TRPV1: variants seen among roughly 807,000 people sequenced by gnomAD.
The protein encoded by TRPV1 is transient receptor potential cation channel subfamily V member 1.
TRPV1 carries 82 observed loss-of-function variants against 82.3 expected under a neutral mutation model. The ratio of observed to expected loss-of-function variants is 1.00; its 90% CI spans 0.83 to 1.20. The LOEUF (loss-of-function observed/expected upper bound fraction) is 1.20. Ranked by LOEUF, TRPV1 falls within the 50% of genes most tolerant of loss-of-function variation. TRPV1 has a pLI of 0.00. For missense variants in TRPV1, 1,067 were observed against 1,096.8 expected (o/e 0.97, Z 0.38); for synonymous variants, 515 against 467.7 (o/e 1.10, Z -1.30).
At position 3,577,735 on chromosome 17, in the gene TRPV1, T is replaced by C; in HGVS notation, c.1576A>G (p.Thr526Ala). 1.3e-6 allele frequency: 2 copies of C among 1,593,380 alleles called. No individual in the cohort carries two copies. Among genetic ancestry groups the C allele is most frequent in the Non-Finnish European group, 1.7e-6 (2 of 1,170,548 alleles). ...AGGTGGCTGAAGTACAGCACCACGGTGGCCAGCATGAACAGTGACTGCAGA... is the reference window on the plus strand; with the variant it reads ...AGGTGGCTGAAGTACAGCACCACGGCGGCCAGCATGAACAGTGACTGCAGA... ...FFLQSLFMLATVVLYFSHLKE... is the reference protein window; with the variant it reads ...FFLQSLFMLAAVVLYFSHLKE... The change falls in exon 12 of 17, where the codon ACC becomes GCC. Residue 526 changes from threonine (T) to alanine (A), a missense_variant. Physicochemically the swap from Thr to Ala is moderately conservative, Grantham distance 58. Transcript: ENST00000572705.
chr17:3,567,594 C>T (rs925392565), intron 16 of TRPV1, among the ~76,000 whole-genome samples: 1 of 151,866 alleles, frequency 6.6e-6, no homozygotes, highest in Non-Finnish European at 1.5e-5. Flanking sequence ...CCCTCTCGGC[C>T]TCCATCTCCT....
intron 8 of TRPV1, among the ~76,000 whole-genome samples, chr17:3,587,964 C>T (rs161391): frequency 0.87 from 133,012 of 152,250 alleles, 60,845 homozygotes; most frequent in East Asian, 1. Flanking sequence ...TTGTCCATGT[C>T]CCTCTGAAAC....
At chr17:3,594,393 A>C (rs2075199793) in intron 2 of TRPV1, among the ~76,000 whole-genome samples, 1 of 151,924 alleles carries the variant, frequency 6.6e-6, no homozygotes, top group African/African-American at 2.4e-5. Context: ...GAGACTCCCA[A>C]GTCCTACATT....
Position 3,573,838 on chromosome 17 carries a change from G to A in TRPV1, c.1898C>T (p.Ser633Phe), listed in dbSNP as rs1358783502. The change falls in exon 14 of 17, where the codon TCC becomes TTC. Residue 633 changes from serine (S) to phenylalanine (F), a missense_variant. Physicochemically the swap from Ser to Phe is radical, Grantham distance 155. Transcript: ENST00000572705. ...PPDSSYNSLY[S>F]TCLELFKFTI... ...GAACTTGAACAGCTCCAGGCAGGTG[G>A]AGTACAGGCTGTTGTAGGAGCTATC... is the stretch of plus-strand genomic sequence containing the variant. The A allele has an allele frequency of 6.2e-7, 1 of 1,613,582 alleles. No individual in the cohort carries two copies. The highest frequency in any genetic ancestry group is 1.7e-5 in the Admixed American group (1 of 59,986).
chr17:3,600,951 A>G (rs888721012), intron 2 of TRPV1, among the ~76,000 whole-genome samples: 1 of 152,024 alleles, frequency 6.6e-6, no homozygotes. Flanking sequence ...TGCTTCATCC[A>G]GAGTCCACCC....
At chr17:3,607,517 C>T (rs1427944835) in intron 2 of TRPV1, among the ~76,000 whole-genome samples, 1 of 146,882 alleles carries the variant, frequency 6.8e-6, no homozygotes, top group Non-Finnish European at 1.5e-5. Flanking sequence ...AAGAGATTAA[C>T]AACAACAATA....
At chr17:3,577,070 G>A (rs9912962) in intron 13 of TRPV1, 56 bp downstream of exon 13, 1 of 1,539,716 alleles carries the variant, frequency 6.5e-7, no homozygotes, top group Non-Finnish European at 8.8e-7. Context: ...AGAGTCTTCA[G>A]AAGGCTCAGC....
intron 10 of TRPV1, among the ~76,000 whole-genome samples, chr17:3,582,056 G>T (rs1181930698): frequency 1.3e-5 from 2 of 149,128 alleles, no homozygotes; most frequent in Non-Finnish European, 3.0e-5. Context: ...CGGGCGTGGT[G>T]GCGGGTGCCT....
intron 13 of TRPV1, among the ~76,000 whole-genome samples, chr17:3,576,653 G>GACAAAAA (rs2036691915): frequency 2.4e-5 from 1 of 41,490 alleles, no homozygotes; most frequent in Non-Finnish European, 4.6e-5. Flanking sequence ...CTCTGTATGA[G>GACAAAAA]AAAAAAAAAA....
At position 3,592,091 on chromosome 17, in the gene TRPV1, G is replaced by A; in HGVS notation, c.260C>T (p.Pro87Leu). 1 of 1,613,408 alleles carries A rather than the reference G, an allele frequency of 6.2e-7. No homozygotes were observed. The highest frequency in any genetic ancestry group is 2.2e-5 in the East Asian group (1 of 44,862). Residue 87 changes from proline to leucine, a missense_variant, in exon 3 of 17, where the codon CCA becomes CTA. Coordinates refer to ENST00000572705, the MANE Select transcript of TRPV1 (RefSeq NM_080704.4). ...CCTGGCACCGGTGGGGCCGTCTCCT[G>A]GCCTCTGGATGGTGATAACAGGGCT... ...TVSPVITIQRPGDGPTGARLL... is the reference protein window; with the variant it reads ...TVSPVITIQRLGDGPTGARLL...
chr17:3,600,765 C>T (rs1018838118), intron 2 of TRPV1, among the ~76,000 whole-genome samples: 1 of 152,164 alleles, frequency 6.6e-6, no homozygotes, highest in African/African-American at 2.4e-5. Flanking sequence ...GGCCCTCCTC[C>T]TGCCCTGGCC....
At position 3,577,839 on chromosome 17, in the gene TRPV1, G is replaced by T; in HGVS notation, c.1548-76C>A. ...GCACCCCCAGAACAAAAGGTCACAG[G>T]CCGCTCAGAGGTCCAGACTGCAGGC... On this transcript the variant is annotated intron_variant, in intron 11 of 16. Transcript: ENST00000572705. 2.8e-6 allele frequency: 4 copies of T among 1,434,966 alleles called. No homozygotes were observed. In the South Asian group the frequency reaches 5.1e-5, roughly 18 times the overall value. The allele number at this position is 1,434,966 out of a possible 1,614,324, so 88.9% of individuals were successfully genotyped here.
At position 3,583,332 on chromosome 17, in the gene TRPV1, G is replaced by T. The variant is rs201938084; in HGVS notation, c.1476+6C>A. ...GGAAACTCACAATGTGGGAAGGAAC[G>T]CTTACCCCTCGGAAAAAGAAGTAGA... On this transcript the variant is annotated splice_donor_region_variant and intron_variant, in intron 10 of 16. Coordinates refer to ENST00000572705, the MANE Select transcript of TRPV1 (RefSeq NM_080704.4). 5.0e-6 allele frequency: 8 copies of T among 1,603,464 alleles called. No individual in the cohort carries two copies. In the East Asian group the frequency reaches 1.8e-4, roughly 36 times the overall value.
At chr17:3,593,130 G>GTC (rs1567672842) in intron 2 of TRPV1, among the ~76,000 whole-genome samples, 1,125 of 30,484 alleles carry the variant, frequency 0.037, 25 homozygotes, top group African/African-American at 0.14. Context: ...GTGTGTGTGT[G>GTC]TGTGTGTCTG....
intron 10 of TRPV1, among the ~76,000 whole-genome samples, chr17:3,581,870 G>GAA (rs2075018794): frequency 7.5e-6 from 1 of 132,998 alleles, no homozygotes; most frequent in Non-Finnish European, 1.6e-5. Context: ...GGGCAACTAA[G>GAA]CGAGACTCCA....
chr17:3,566,757 C>T lies in TRPV1; in HGVS notation c.*58G>A. 1 of 1,578,344 alleles carries T rather than the reference C, an allele frequency of 6.3e-7. No individual in the cohort carries two copies. The highest frequency in any genetic ancestry group is 8.6e-7 in the Non-Finnish European group (1 of 1,160,394). ...AGCACTGGTGTTCCCTCAGCAGCCC[C>T]CCGTGGCAACGGGGTCTCCTAAGGC... On this transcript the variant is annotated 3_prime_UTR_variant, in exon 17 of 17. Coordinates refer to ENST00000572705, the MANE Select transcript of TRPV1 (RefSeq NM_080704.4).
chr17:3,609,038 T>G (rs367958023), intron 1 of TRPV1: 1 of 152,310 alleles, frequency 6.6e-6, no homozygotes, highest in Non-Finnish European at 1.5e-5. Flanking sequence ...ATTACAGGCA[T>G]GCGCCACCAC....
chr17:3,591,983 T>A, intron 3 of TRPV1, 84 bp downstream of exon 3: 1 of 1,512,306 alleles, frequency 6.6e-7, no homozygotes, highest in Admixed American at 2.1e-5. Flanking sequence ...TTGTGACATT[T>A]AGCCCAGAAG....
chr17:3,574,007 A>C, intron 13 of TRPV1, 52 bp from the exon 14 acceptor site: 1 of 1,462,606 alleles, frequency 6.8e-7, no homozygotes, highest in Non-Finnish European at 9.2e-7. Context: ...CAATATCCCA[A>C]GTCCCCTGAC....
Sources: allele counts gnomAD v4.1 joint callset (sites outside exome capture counted in the v4.1 genomes callset), GRCh38; gene constraint gnomAD v4.1.1; transcripts MANE v1.5; gene names NCBI Gene and HGNC (gene_info 2026-07-23, HGNC 2026-07-21).